CELF2: variants seen among roughly 807,000 people sequenced by gnomAD.
The protein encoded by CELF2 is CUG triplet repeat RNA-binding protein 2.
In CELF2, 8 loss-of-function variants were observed where a neutral mutation model predicts 62.6. That is an observed-to-expected ratio of 0.13 (90% CI 0.07 to 0.23). The LOEUF is 0.23. Among genes scored for constraint, CELF2 ranks in the 10% least tolerant of loss-of-function variants. The probability of loss-of-function intolerance (pLI) is 1.00; values close to 1 mark genes in which losing one functional copy is unlikely to be tolerated. For synonymous variants in CELF2, 258 were observed against 250.0 expected (o/e 1.03, Z -0.30); for missense variants, 333 against 671.0 (o/e 0.50, Z 5.56).
chr10:10,740,995 A>G, the CELF2 span, among the ~76,000 whole-genome samples: 4 of 152,220 alleles, frequency 2.6e-5, no homozygotes, highest in African/African-American at 9.7e-5. Context: ...TCATAATTCT[A>G]GGGATCTAAT....
chr10:10,530,055 T>G, the CELF2 span, among the ~76,000 whole-genome samples: 1 of 152,156 alleles, frequency 6.6e-6, no homozygotes, highest in South Asian at 2.1e-4. Context: ...CACACAAATG[T>G]TACAGGAAAG....
the CELF2 span, among the ~76,000 whole-genome samples, chr10:10,538,049 G>A: frequency 6.6e-6 from 1 of 152,118 alleles, no homozygotes; most frequent in Non-Finnish European, 1.5e-5. Flanking sequence ...CCCACCCAAA[G>A]CACAAGCCCT....
intron 1 of CELF2, among the ~76,000 whole-genome samples, chr10:11,060,889 A>G (rs1302852305): frequency 6.6e-6 from 1 of 152,200 alleles, no homozygotes; most frequent in African/African-American, 2.4e-5. Context: ...AGTGAGCTTA[A>G]TAAAAGTTGT....
chr10:10,712,553 T>C, the CELF2 span, among the ~76,000 whole-genome samples: 1 of 152,144 alleles, frequency 6.6e-6, no homozygotes, highest in African/African-American at 2.4e-5. Flanking sequence ...TCTAGCCCCA[T>C]GGTTTCAAAT....
intron 1 of CELF2, among the ~76,000 whole-genome samples, chr10:10,870,427 G>A (rs1480825085): frequency 6.6e-6 from 1 of 152,182 alleles, no homozygotes; most frequent in Admixed American, 6.5e-5. Flanking sequence ...AGGGACCAGG[G>A]TCTAAGTCTC....
At chr10:10,963,508 A>C (rs1359577888) in intron 2 of CELF2, among the ~76,000 whole-genome samples, 1 of 152,202 alleles carries the variant, frequency 6.6e-6, no homozygotes, top group Non-Finnish European at 1.5e-5. Flanking sequence ...GTGCATGTAC[A>C]AACAATCCAC....
In CELF2 at chr10:11,242,911, C is replaced by T. The variant is rs987381864; in HGVS notation, c.355-6242C>T. On this transcript the variant is annotated intron_variant, in intron 3 of 12. Coordinates refer to ENST00000633077, the MANE Select transcript of CELF2 (RefSeq NM_001326342.2). The surrounding 1 kb of genome is among the most constrained non-coding windows in gnomAD (Gnocchi z 4.8). ...TCCGCCACCAACAGATGGCTCCTAC[C>T]AGGGCGACAGGGACGGAGGCGCCGG... is the stretch of plus-strand genomic sequence containing the variant. 6.6e-6 allele frequency among the ~76,000 whole-genome samples: 1 copy of T among 152,158 alleles called. No homozygotes were observed. Among genetic ancestry groups the T allele is most frequent in the Non-Finnish European group, 1.5e-5 (1 of 68,010 alleles).
chr10:10,682,055 G>A, the CELF2 span, among the ~76,000 whole-genome samples: 2 of 152,088 alleles, frequency 1.3e-5, no homozygotes, highest in African/African-American at 2.4e-5. Context: ...GCAGAAGAAG[G>A]GCTTGAATTT....
At chr10:10,623,923 A>G in the CELF2 span, among the ~76,000 whole-genome samples, 1 of 152,204 alleles carries the variant, frequency 6.6e-6, no homozygotes, top group Non-Finnish European at 1.5e-5. Flanking sequence ...CCCGGAACCC[A>G]GGTAGTCTGA....
At chr10:10,523,131 G>A in the CELF2 span, among the ~76,000 whole-genome samples, 10 of 152,168 alleles carry the variant, frequency 6.6e-5, no homozygotes, top group African/African-American at 2.4e-4. Flanking sequence ...GGAAGAGCTG[G>A]CAGTCAAAGG....
At chr10:11,009,881 C>G (rs1197819255) in intron 1 of CELF2, among the ~76,000 whole-genome samples, 1 of 152,250 alleles carries the variant, frequency 6.6e-6, no homozygotes, top group East Asian at 1.9e-4. Context: ...TGGCTGTTTT[C>G]ATCCCCTTCT....
rs1255718407 is a variant in CELF2 at position 11,324,510 on chromosome 10, A to G, written c.1295-1326A>G. On this transcript the variant is annotated intron_variant, in intron 11 of 12. Coordinates refer to ENST00000633077, the MANE Select transcript of CELF2 (RefSeq NM_001326342.2). The surrounding 1 kb of genome is among the most constrained non-coding windows in gnomAD (Gnocchi z 4.7). The stretch of plus-strand genomic sequence containing the variant: ...AAATAGACTCCTTCCCATGCCCTAG[A>G]ATACGGATATATCCCAGGAAATTGG... 2.6e-5 allele frequency among the ~76,000 whole-genome samples: 4 copies of G among 152,220 alleles called. No individual in the cohort carries two copies. Among genetic ancestry groups the G allele is most frequent in the African/African-American group, 9.6e-5 (4 of 41,460 alleles).
At chr10:10,770,318 C>T in the CELF2 span, among the ~76,000 whole-genome samples, 17 of 151,882 alleles carry the variant, frequency 1.1e-4, no homozygotes, top group Admixed American at 9.8e-4. Flanking sequence ...GGCGACAGAG[C>T]GAGACTCCAT....
chr10:11,005,249 AGAGAGG>A, upstream of CELF2: 5 of 1,453,468 alleles, frequency 3.4e-6, no homozygotes, highest in African/African-American at 4.6e-5. The surrounding 1 kb of genome is among the most constrained non-coding windows in gnomAD (Gnocchi z 4.3). Context: ...GAAGACAGAG[AGAGAGG>A]GAGAGAGAGA....
At chr10:10,871,976 T>A (rs541827301) in intron 1 of CELF2, among the ~76,000 whole-genome samples, 2 of 152,182 alleles carry the variant, frequency 1.3e-5, no homozygotes, top group African/African-American at 2.4e-5. Context: ...TTGACAAAAA[T>A]TTCTATTTTG....
At chr10:10,680,263 TTG>T in the CELF2 span, among the ~76,000 whole-genome samples, 74 of 152,206 alleles carry the variant, frequency 4.9e-4, no homozygotes, top group Admixed American at 1.2e-3. Flanking sequence ...CTGACACCAG[TTG>T]CAAGTTTAGG....
chr10:10,595,168 A>T, the CELF2 span, among the ~76,000 whole-genome samples: 93 of 152,356 alleles, frequency 6.1e-4, no homozygotes, highest in South Asian at 3.5e-3. Context: ...CCATCTTGCC[A>T]TGAAAATGTA....
the CELF2 span, among the ~76,000 whole-genome samples, chr10:10,764,236 A>G: frequency 6.6e-6 from 1 of 152,250 alleles, no homozygotes; most frequent in African/African-American, 2.4e-5. Context: ...TCATATTTGA[A>G]AGGGAAATCA....
intron 1 of CELF2, among the ~76,000 whole-genome samples, chr10:11,006,654 T>C (rs1399683454): frequency 6.6e-6 from 1 of 152,230 alleles, no homozygotes; most frequent in Non-Finnish European, 1.5e-5. Context: ...TCTCTGCTTC[T>C]CCCTTTGGCA....
Sources: allele counts gnomAD v4.1 joint callset (sites outside exome capture counted in the v4.1 genomes callset), GRCh38; gene constraint gnomAD v4.1.1; non-coding constraint Gnocchi (gnomAD v3.1); transcripts MANE v1.5; gene names NCBI Gene and HGNC (gene_info 2026-07-23, HGNC 2026-07-21).